CNTN1: variants seen among roughly 807,000 people sequenced by gnomAD.
CNTN1 encodes contactin 1.
CNTN1 carries 38 observed loss-of-function variants against 126.4 expected under a neutral mutation model. The observed-to-expected ratio is 0.30, with a 90% confidence interval of 0.23 to 0.39. The LOEUF is 0.39. CNTN1 is among the 10% of genes least tolerant of loss of function. The pLI, the probability that CNTN1 is intolerant of heterozygous loss-of-function variation, is 1.00. For synonymous variants in CNTN1, 413 were observed against 422.6 expected, an observed-to-expected ratio of 0.98 and a Z score of 0.28; for missense variants, 1,009 against 1,248.4, an observed-to-expected ratio of 0.81 and a Z score of 2.89.
rs1949087886 is a variant in CNTN1, at chr12:41,028,927, T to A, written c.2824-136T>A. ...ATGATTTTTTTCATCTAGTTTTAAA[T>A]TTAGTTTTTCCTCTTGTTTTAAATT... On this transcript the variant is annotated intron_variant, in intron 22 of 23. Transcript: ENST00000551295. 6.9e-6 allele frequency: 6 copies of A among 865,612 alleles called. No homozygotes were observed. In the East Asian group the frequency reaches 1.3e-4, roughly 19 times the overall value. 53.6% of individuals were successfully genotyped at this position (865,612 alleles called of 1,614,324 possible).
intron 23 of CNTN1, among the ~76,000 whole-genome samples, chr12:41,031,536 A>G (rs1410609463): frequency 1.3e-5 from 2 of 152,108 alleles, no homozygotes; most frequent in African/African-American, 4.8e-5. Context: ...CACATTGCTC[A>G]TACATTTCCT....
At chr12:40,692,891 C>T (rs776855631) in intron 1 of CNTN1, among the ~76,000 whole-genome samples, 1 of 152,154 alleles carries the variant, frequency 6.6e-6, no homozygotes, top group Non-Finnish European at 1.5e-5. Context: ...AGGCTGCCGC[C>T]GCCAGCGCCG....
intron 1 of CNTN1, among the ~76,000 whole-genome samples, chr12:40,719,118 C>G (rs901912508): frequency 6.6e-6 from 1 of 152,088 alleles, no homozygotes; most frequent in South Asian, 2.1e-4. Context: ...ACTTATTTGT[C>G]CCTTGAACAA....
chr12:40,721,922 G>A (rs1266365859), intron 1 of CNTN1, among the ~76,000 whole-genome samples: 1 of 150,486 alleles, frequency 6.6e-6, no homozygotes, highest in African/African-American at 2.5e-5. Flanking sequence ...TGGTGTATAT[G>A]TGCCACATTT....
chr12:40,933,481 G>T lies in CNTN1; in HGVS notation c.724G>T (p.Ala242Ser). The change falls in exon 8 of 24, where the codon GCT becomes TCT. Residue 242 changes from alanine to serine, a missense_variant. Physicochemically the swap from Ala to Ser is moderately conservative, Grantham distance 99. Coordinates refer to ENST00000551295, the MANE Select transcript of CNTN1 (RefSeq NM_001843.4). ...IPERTTKPYP[A>S]DIVVQFKDVY... ...ATTAGGAACAACAAAACCATATCCT[G>T]CTGATATTGTAGTTCAGTTCAAGGA... 1 of 1,607,998 alleles carries T rather than the reference G, an allele frequency of 6.2e-7. No homozygotes were observed. The highest frequency in any genetic ancestry group is 1.3e-5 in the African/African-American group (1 of 74,820).
rs555028869 is a variant in CNTN1 at position 40,760,442 on chromosome 12, CATTATT to C, written c.-77+67857_-77+67862del. On this transcript the variant is annotated intron_variant, in intron 1 of 23. Coordinates refer to ENST00000551295, the MANE Select transcript of CNTN1 (RefSeq NM_001843.4). ...TCTACAATACAAACACTGCTACCAA[CATTATT>C]ATTATTGACAGCAGTTAATGTTTTT... Among the ~76,000 whole-genome samples, 179 of 151,766 alleles carry C rather than the reference CATTATT, an allele frequency of 1.2e-3. 2 individuals are homozygous for C. The highest frequency in any genetic ancestry group is 4.1e-3 in the African/African-American group (171 of 41,420).
Position 40,799,051 on chromosome 12 carries a change from G to C in CNTN1, c.-77+106459G>C, listed in dbSNP as rs575415289. Among the ~76,000 whole-genome samples, 87 of 151,482 alleles carry C rather than the reference G, an allele frequency of 5.7e-4. 2 individuals are homozygous for C. The South Asian group carries it at 0.016, about 29-fold the overall frequency. ...TACTGTTCAAGTCTCTTAGGTTATC[G>C]GATCATTACTGAAGGAAAACAAGGC... On this transcript the variant is annotated intron_variant, in intron 1 of 23. Coordinates refer to ENST00000551295, the MANE Select transcript of CNTN1 (RefSeq NM_001843.4).
intron 1 of CNTN1, among the ~76,000 whole-genome samples, chr12:40,828,470 T>C (rs1019622431): frequency 6.6e-6 from 1 of 152,142 alleles, no homozygotes; most frequent in Non-Finnish European, 1.5e-5. Context: ...CTATATTTGA[T>C]AGTATTGGAC....
intron 1 of CNTN1, among the ~76,000 whole-genome samples, chr12:40,883,457 G>A (rs1489954555): frequency 2.0e-5 from 3 of 151,528 alleles, no homozygotes; most frequent in Non-Finnish European, 4.4e-5. Context: ...AGTGATTTTT[G>A]AATTGATATT....
chr12:40,751,744 T>A (rs1938412511), intron 1 of CNTN1, among the ~76,000 whole-genome samples: 2 of 152,072 alleles, frequency 1.3e-5, no homozygotes, highest in African/African-American at 4.8e-5. Flanking sequence ...TTATATGAGT[T>A]AAGGAAAGAA....
chr12:40,994,995 G>A (rs553648891), intron 17 of CNTN1, among the ~76,000 whole-genome samples: 3 of 152,046 alleles, frequency 2.0e-5, no homozygotes, highest in African/African-American at 7.2e-5. Context: ...GTGTCTCTGA[G>A]TTTATTGCCC....
intron 23 of CNTN1, among the ~76,000 whole-genome samples, chr12:41,039,282 A>G (rs1401931239): frequency 6.6e-6 from 1 of 152,218 alleles, no homozygotes; most frequent in Non-Finnish European, 1.5e-5. Flanking sequence ...GTTAGGTGAT[A>G]GTCCAAGCAA....
intron 1 of CNTN1, among the ~76,000 whole-genome samples, chr12:40,904,374 C>T (rs1944732813): frequency 1.3e-5 from 1 of 75,990 alleles, no homozygotes; most frequent in Non-Finnish European, 2.7e-5. Context: ...CCTTTCCTTC[C>T]TTCCTTCTTT....
intron 1 of CNTN1, among the ~76,000 whole-genome samples, chr12:40,774,489 A>G (rs1939497536): frequency 6.6e-6 from 1 of 151,736 alleles, no homozygotes; most frequent in Non-Finnish European, 1.5e-5. Flanking sequence ...TTAAAGAATG[A>G]TTATAGAAAA....
At chr12:41,009,181 C>A (rs904613116) in intron 17 of CNTN1, among the ~76,000 whole-genome samples, 2 of 152,184 alleles carry the variant, frequency 1.3e-5, no homozygotes, top group African/African-American at 4.8e-5. Flanking sequence ...TTCAGGTCCT[C>A]CAGTTCCCTT....
intron 1 of CNTN1, among the ~76,000 whole-genome samples, chr12:40,715,417 G>C (rs986095242): frequency 6.6e-6 from 1 of 151,526 alleles, no homozygotes; most frequent in Non-Finnish European, 1.5e-5. Flanking sequence ...TAGGATAGCC[G>C]CATTAGCAGG....
intron 1 of CNTN1, among the ~76,000 whole-genome samples, chr12:40,788,679 A>G (rs1229999346): frequency 6.6e-6 from 1 of 152,170 alleles, no homozygotes; most frequent in East Asian, 1.9e-4. Flanking sequence ...GCCATAATTT[A>G]GCAGATCATA....
chr12:40,887,249 AGTGGTTTGTAGTTCTCCTTGAAGAGG>A (rs1444392019), intron 1 of CNTN1, among the ~76,000 whole-genome samples: 1 of 152,056 alleles, frequency 6.6e-6, no homozygotes, highest in Non-Finnish European at 1.5e-5. Context: ...TTCATTGAGC[AGTGGTTTGTAGTTCTCCTTGAAGAGG>A]TCCTTCATGT....
intron 1 of CNTN1, among the ~76,000 whole-genome samples, chr12:40,866,405 T>G (rs1460285530): frequency 2.6e-5 from 4 of 152,174 alleles, no homozygotes; most frequent in Non-Finnish European, 5.9e-5. Context: ...ATGGGAAAAG[T>G]ATTCAGCAAT....
Sources: gnomAD v4.1 joint callset for allele counts (sites outside exome capture counted in the v4.1 genomes callset) on GRCh38, gnomAD v4.1.1 for gene constraint, MANE v1.5 for transcripts, NCBI Gene and HGNC (gene_info 2026-07-23, HGNC 2026-07-21) for gene names.